The following KNDC1 variants were observed in gnomAD, a reference collection of about 807,000 sequenced individuals.
KNDC1 encodes the protein kinase non-catalytic C-lobe domain containing 1, also known as kinase non-catalytic C-lobe domain-containing protein 1.
A neutral mutation model predicts 172.8 loss-of-function variants in KNDC1; 106 were observed. That is an observed-to-expected ratio of 0.61 (90% CI 0.52 to 0.72). The LOEUF is 0.72. KNDC1 is among the 30% of genes least tolerant of loss of function. The pLI, the probability that KNDC1 is intolerant of heterozygous loss-of-function variation, is 0.00. For synonymous variants in KNDC1, 1,083 were observed against 1,062.2 expected, an observed-to-expected ratio of 1.02 and a Z score of -0.38; for missense variants, 2,325 against 2,394.5, an observed-to-expected ratio of 0.97 and a Z score of 0.61.
In KNDC1 at chr10:133,224,626, G is replaced by A; in HGVS notation, c.5019-33G>A. On this transcript the variant is annotated intron_variant, in intron 29 of 29. Transcript: ENST00000304613. The surrounding 1 kb of genome is among the most constrained non-coding windows in gnomAD (Gnocchi z 5.4). ...CACGGAAGCCGCGCCCCTGCCCTGT[G>A]CAAACTAACGTCTCTTCTTTCCTCA... 1 of 1,583,112 alleles carries A rather than the reference G, an allele frequency of 6.3e-7. No homozygotes were observed. The highest frequency in any genetic ancestry group is 8.7e-7 in the Non-Finnish European group (1 of 1,152,922).
chr10:133,192,726 A>G (rs2135987370), intron 9 of KNDC1, among the ~76,000 whole-genome samples: 1 of 152,356 alleles, frequency 6.6e-6, no homozygotes, highest in South Asian at 2.1e-4. Context: ...AAATGGAGAC[A>G]ATAGAAATTA....
intron 17 of KNDC1, chr10:133,202,657 G>T (rs1405804960): frequency 6.6e-6 from 3 of 456,528 alleles, no homozygotes. Context: ...GCCCTTCCTG[G>T]GGCTCCTCCT....
intron 3 of KNDC1, among the ~76,000 whole-genome samples, chr10:133,179,536 C>T (rs915657973): frequency 1.3e-5 from 2 of 152,212 alleles, no homozygotes; most frequent in Non-Finnish European, 2.9e-5. Context: ...GTGTAACCCG[C>T]TTCCTACCCC....
chr10:133,201,370 C>A, intron 16 of KNDC1, 131 bp from the exon 17 acceptor site: 1 of 992,458 alleles, frequency 1.0e-6, no homozygotes, highest in Non-Finnish European at 1.5e-6. Flanking sequence ...GCCCGGGGGG[C>A]GCCCGTGGTG....
intron 17 of KNDC1, among the ~76,000 whole-genome samples, chr10:133,206,162 T>G (rs1012499613): frequency 1.3e-5 from 2 of 152,244 alleles, no homozygotes; most frequent in South Asian, 4.2e-4. Flanking sequence ...ATGGTGCCAT[T>G]GCACTCCAGC....
In KNDC1 at chr10:133,188,630, T is replaced by G; in HGVS notation, c.1418T>G (p.Leu473Arg). ...CTGTGCCTGGCCTGCCTCCGCGCAC[T>G]GCAGACACGCCCTGAGCACCCAGGT... ...WALCLACLRA[L>R]QTRPEHPAYL... is the part of the protein sequence containing the mutation. Residue 473 changes from leucine (L) to arginine (R), a missense_variant, in exon 7 of 30, where the codon CTG (leucine) becomes CGG (arginine). Physicochemically the swap from Leu to Arg is moderately radical, Grantham distance 102. Coordinates refer to ENST00000304613, the MANE Select transcript of KNDC1 (RefSeq NM_152643.8). The G allele has an allele frequency of 1.3e-6, 2 of 1,593,530 alleles. No individual in the cohort carries two copies. Among genetic ancestry groups the G allele is most frequent in the Non-Finnish European group, 1.7e-6 (2 of 1,172,842 alleles).
At chr10:133,160,661 C>T (rs1453163420) in intron 1 of KNDC1, 92 bp downstream of exon 1, 3 of 783,488 alleles carry the variant, frequency 3.8e-6, no homozygotes, top group Non-Finnish European at 3.9e-6. Flanking sequence ...GCTGTGAGCT[C>T]CCGCCTCCCC....
At chr10:133,214,174 C>T (rs568302926) in intron 26 of KNDC1, 52 bp downstream of exon 26, 14 of 1,598,438 alleles carry the variant, frequency 8.8e-6, no homozygotes, top group Admixed American at 3.4e-5. Context: ...CCCACCTACG[C>T]GGGGGTGGCA....
intron 7 of KNDC1, among the ~76,000 whole-genome samples, chr10:133,188,955 T>C (rs1854003000): frequency 6.6e-6 from 1 of 151,932 alleles, no homozygotes; most frequent in South Asian, 2.1e-4. Context: ...AGGTGGGCCT[T>C]GAAACCGGTG....
At position 133,198,741 on chromosome 10, in the gene KNDC1, C is replaced by T. The variant is rs1347354574; in HGVS notation, c.2233C>T (p.Pro745Ser). 6.3e-7 allele frequency: 1 copy of T among 1,578,864 alleles called. No individual in the cohort carries two copies. The highest frequency in any genetic ancestry group is 8.6e-7 in the Non-Finnish European group (1 of 1,163,364). Residue 745 changes from proline (P) to serine (S), a missense_variant, in exon 14 of 30, where the codon CCT becomes TCT. Pro to Ser is a moderately conservative substitution (Grantham distance 74, BLOSUM62 -1). Transcript: ENST00000304613. ...GGGGCCACAGGGAGCAGCCCCAGAG[C>T]CTCTTGGGGCGTCAGTGCAGCGTGA... ...GPGPQGAAPEPLGASVQRDSA... is the reference protein window; with the variant it reads ...GPGPQGAAPESLGASVQRDSA...
intron 3 of KNDC1, chr10:133,173,880 A>G (rs1300332303): frequency 6.6e-6 from 1 of 152,132 alleles, no homozygotes; most frequent in Non-Finnish European, 1.5e-5. Context: ...AAACTTCCAA[A>G]CACACTAGGG....
chr10:133,183,787 C>T (rs1853795674), intron 4 of KNDC1, 85 bp from the exon 5 acceptor site: 3 of 1,131,046 alleles, frequency 2.7e-6, no homozygotes, highest in Non-Finnish European at 3.8e-6. Flanking sequence ...AGGTCACCTT[C>T]AAAGGATCCG....
At chr10:133,172,672 G>T (rs1439866320) in intron 3 of KNDC1, among the ~76,000 whole-genome samples, 1 of 152,198 alleles carries the variant, frequency 6.6e-6, no homozygotes, top group Non-Finnish European at 1.5e-5. Flanking sequence ...CTTTAGGAAA[G>T]ATTTTTAACT....
At position 133,183,971 on chromosome 10, in the gene KNDC1, T is replaced by C; in HGVS notation, c.607T>C (p.Ser203Pro). ...GGGGAGGAGGGTCCTCTCCATCGAG[T>C]CCTTCGGAGCGCTGCAGGGTGAGTT... ...AVGRRVLSIE[S>P]FGALQDVSES... Residue 203 changes from serine to proline, a missense_variant, in exon 5 of 30, where the codon TCC becomes CCC. Physicochemically the swap from Ser to Pro is moderately conservative, Grantham distance 74. Transcript: ENST00000304613. 1 of 1,590,814 alleles carries C rather than the reference T, an allele frequency of 6.3e-7. No individual in the cohort carries two copies. Among genetic ancestry groups the C allele is most frequent in the Non-Finnish European group, 8.6e-7 (1 of 1,163,854 alleles).
intron 3 of KNDC1, 142 bp downstream of exon 3, chr10:133,168,454 A>T (rs1853256676): frequency 1.2e-6 from 1 of 839,062 alleles, no homozygotes; most frequent in East Asian, 2.7e-5. Context: ...TGCCCGGTTC[A>T]CTGGGCTATA....
intron 1 of KNDC1, among the ~76,000 whole-genome samples, chr10:133,162,438 T>G (rs1045328114): frequency 2.0e-5 from 3 of 152,144 alleles, no homozygotes; most frequent in Non-Finnish European, 4.4e-5. Context: ...CCAGGACATA[T>G]GCAGGCTTCA....
chr10:133,218,551 C>T (rs1338680883), intron 26 of KNDC1, among the ~76,000 whole-genome samples: 1 of 152,228 alleles, frequency 6.6e-6, no homozygotes, highest in East Asian at 1.9e-4. Flanking sequence ...CAGGCACAAT[C>T]TTGCTTTTGA....
At chr10:133,208,624 C>T (rs1289025652) in intron 20 of KNDC1, among the ~76,000 whole-genome samples, 2 of 152,162 alleles carry the variant, frequency 1.3e-5, no homozygotes, top group Non-Finnish European at 2.9e-5. Context: ...TGCCCCTGGT[C>T]ACATGGGGCC....
chr10:133,216,126 A>G (rs551440115), intron 26 of KNDC1, among the ~76,000 whole-genome samples: 1 of 152,394 alleles, frequency 6.6e-6, no homozygotes, highest in South Asian at 2.1e-4. Flanking sequence ...AATCATTAAA[A>G]TACAAAATTC....
Sources: allele counts gnomAD v4.1 joint callset (sites outside exome capture counted in the v4.1 genomes callset), GRCh38; gene constraint gnomAD v4.1.1; non-coding constraint Gnocchi (gnomAD v3.1); transcripts MANE v1.5; gene names NCBI Gene and HGNC (gene_info 2026-07-23, HGNC 2026-07-21).